Variants in NF1 observed in about 807,000 individuals in gnomAD.
The protein encoded by NF1 is neurofibromin.
Under a neutral mutation model 325.7 loss-of-function variants are expected in NF1, and 122 were observed. The observed-to-expected ratio is 0.37, with a 90% CI of 0.32 to 0.44. The LOEUF (loss-of-function observed/expected upper bound fraction) is 0.44, where lower values mean the gene tolerates loss of function less well. NF1 is among the 20% of genes least tolerant of loss of function. The pLI is 1.00. For synonymous variants in NF1, 1,091 were observed against 1,186.0 expected (o/e 0.92, Z 1.65); for missense variants, 2,140 against 3,415.4 (o/e 0.63, Z 9.31).
chr17:31,335,001 T>C lies in NF1; in HGVS notation c.5976T>C (p.Ile1992=), dbSNP rs766233634. The C allele has an allele frequency of 1.7e-5, 27 of 1,613,028 alleles. No individual in the cohort carries two copies. The highest frequency in any genetic ancestry group is 2.3e-5 in the Non-Finnish European group (27 of 1,179,910). Residue 1992 remains isoleucine, a synonymous_variant, in exon 40 of 58, where the codon ATT becomes ATC. Transcript: ENST00000358273. ...TINEKQMYPS[I]QAKIWGSLGQ... is the part of the protein sequence containing the mutation. ...ATGAAAAACAGATGTACCCATCTAT[T>C]CAAGCAAAAATATGGGGAAGCCTTG...
chr17:31,286,428 G>A (rs139101915), intron 36 of NF1, among the ~76,000 whole-genome samples: 2 of 152,194 alleles, frequency 1.3e-5, no homozygotes, highest in East Asian at 1.9e-4. Flanking sequence ...CTTTTACAAG[G>A]TGTCTCTAAG....
chr17:31,213,633 T>G (rs1436446810), intron 12 of NF1, among the ~76,000 whole-genome samples: 1 of 152,196 alleles, frequency 6.6e-6, no homozygotes, highest in Non-Finnish European at 1.5e-5. Flanking sequence ...TAATAATAGG[T>G]GATGTTAGCT....
chr17:31,178,202 G>T (rs751417318), intron 5 of NF1, among the ~76,000 whole-genome samples: 6 of 152,128 alleles, frequency 3.9e-5, no homozygotes, highest in Admixed American at 1.3e-4. Context: ...GAATAGAGTG[G>T]GGGCCAATAT....
At position 31,116,844 on chromosome 17, in the gene NF1, A is replaced by AT. The variant is rs1162893167; in HGVS notation, c.60+21489dup. ...CCCCATGCCCAGCTAATTTTTTTGT[A>AT]TTTTTTTTTTTTTTAGTAGAGACAG... On this transcript the variant is annotated intron_variant, in intron 1 of 57. Transcript: ENST00000358273. Among the ~76,000 whole-genome samples, 227 of 120,194 alleles carry AT rather than the reference A, an allele frequency of 1.9e-3. 1 individual carries two copies. Among genetic ancestry groups the AT allele is most frequent in the Middle Eastern group, 0.01 (2 of 198 alleles). The allele number at this position is 120,194 out of a possible 152,430, so 78.9% of individuals were successfully genotyped here.
intron 36 of NF1, among the ~76,000 whole-genome samples, chr17:31,310,352 C>G (rs1469515465): frequency 6.8e-6 from 1 of 147,304 alleles, no homozygotes; most frequent in Non-Finnish European, 1.5e-5. Flanking sequence ...AGTTAATAAA[C>G]AGGTGAAAAA....
At chr17:31,167,926 A>G (rs1446306852) in intron 4 of NF1, among the ~76,000 whole-genome samples, 1 of 152,178 alleles carries the variant, frequency 6.6e-6, no homozygotes, top group Non-Finnish European at 1.5e-5. Context: ...AAATAATTAC[A>G]TAAATACATG....
At chr17:31,231,586 C>T (rs1017830456) in intron 24 of NF1, among the ~76,000 whole-genome samples, 1 of 152,120 alleles carries the variant, frequency 6.6e-6, no homozygotes, top group Non-Finnish European at 1.5e-5. Flanking sequence ...TATACACATC[C>T]TCCCATATAT....
chr17:31,105,224 A>G (rs1912748254), intron 1 of NF1, among the ~76,000 whole-genome samples: 1 of 152,198 alleles, frequency 6.6e-6, no homozygotes, highest in Non-Finnish European at 1.5e-5. Flanking sequence ...GCCACTGACT[A>G]TATCATCAAA....
At chr17:31,360,372 A>T in intron 56 of NF1, 115 bp from the exon 57 acceptor site, 1 of 854,096 alleles carries the variant, frequency 1.2e-6, no homozygotes, top group Non-Finnish European at 1.9e-6. Flanking sequence ...AATGATAAGT[A>T]ATACAAAGGA....
At chr17:31,356,259 G>C in intron 51 of NF1, 1 of 520,090 alleles carries the variant, frequency 1.9e-6, no homozygotes, top group East Asian at 3.6e-5. Flanking sequence ...AACCTATCCT[G>C]AAACAGAAAG....
At chr17:31,340,008 C>G (rs1322330980) in intron 46 of NF1, among the ~76,000 whole-genome samples, 4 of 152,124 alleles carry the variant, frequency 2.6e-5, no homozygotes, top group African/African-American at 9.7e-5. Context: ...TAGACCTCAT[C>G]TCACATTCAG....
chr17:31,141,989 C>A (rs1207863721), intron 1 of NF1, among the ~76,000 whole-genome samples: 4 of 152,114 alleles, frequency 2.6e-5, no homozygotes, highest in African/African-American at 4.8e-5. Flanking sequence ...TTAATGTAAA[C>A]CCTACCCCCA....
chr17:31,124,976 TAAAAAA>T (rs565114032), intron 1 of NF1, among the ~76,000 whole-genome samples: 4 of 142,788 alleles, frequency 2.8e-5, no homozygotes, highest in African/African-American at 1.0e-4. Context: ...AGTTTATACT[TAAAAAA>T]AAAAAAACAT....
intron 36 of NF1, among the ~76,000 whole-genome samples, chr17:31,274,374 G>A (rs1268671498): frequency 6.6e-6 from 1 of 152,078 alleles, no homozygotes; most frequent in Non-Finnish European, 1.5e-5. Context: ...AAAAATTGCA[G>A]GACTGTGAAC....
chr17:31,295,617 G>A (rs773887766), intron 36 of NF1: 1 of 1,614,122 alleles, frequency 6.2e-7, no homozygotes, highest in South Asian at 1.1e-5. Context: ...ATCCACTTCA[G>A]TAAGTAAGTA....
At chr17:31,370,656 A>C (rs966310149) in intron 57 of NF1, among the ~76,000 whole-genome samples, 1 of 152,146 alleles carries the variant, frequency 6.6e-6, no homozygotes, top group East Asian at 1.9e-4. Context: ...CAGGAATAAC[A>C]CTGTGCCCAA....
Position 31,336,859 on chromosome 17 carries a change from A to T in NF1, c.6372A>T (p.Gly2124=), listed in dbSNP as rs2151555005. Residue 2124 remains glycine, a synonymous_variant, in exon 42 of 58, where the codon GGA becomes GGT. Transcript: ENST00000358273. The surrounding 1 kb of genome is among the most constrained non-coding windows in gnomAD (Gnocchi z 5.5). ...TCTCCCTTAGAGCTTCCACACATGG[A>T]CTGGTCATTAATATCATTCACTCTC... ...GPLSLRASTH[G]LVINIIHSLC... 1 of 1,613,620 alleles carries T rather than the reference A, an allele frequency of 6.2e-7. No homozygotes were observed. The highest frequency in any genetic ancestry group is 8.5e-7 in the Non-Finnish European group (1 of 1,180,004).
chr17:31,233,260 A>C, intron 27 of NF1, 47 bp downstream of exon 27: 1 of 1,451,276 alleles, frequency 6.9e-7, no homozygotes, highest in Non-Finnish European at 9.7e-7. Context: ...GGCACATAGC[A>C]AATCCTTCAG....
In NF1 at chr17:31,251,900, T is replaced by C. The variant is rs1439744912; in HGVS notation, c.4111-1038T>C. ...TCTAACTAACTTAAAGCCCAAGTTATGGGTTATGGTGTTGGATGTCCAGAA... is the reference window on the plus strand; with the variant it reads ...TCTAACTAACTTAAAGCCCAAGTTACGGGTTATGGTGTTGGATGTCCAGAA... On this transcript the variant is annotated intron_variant, in intron 30 of 57. Transcript: ENST00000358273. 1.8e-5 allele frequency: 4 copies of C among 217,078 alleles called. No homozygotes were observed. In the East Asian group the frequency reaches 2.7e-4, roughly 15 times the overall value. 13.4% of individuals were successfully genotyped at this position (217,078 alleles called of 1,614,324 possible). A position where few individuals can be genotyped will look rare whatever the true frequency, so the allele number is the denominator to read the frequency against.
Sources: allele counts gnomAD v4.1 joint callset (sites outside exome capture counted in the v4.1 genomes callset), GRCh38; gene constraint gnomAD v4.1.1; non-coding constraint Gnocchi (gnomAD v3.1); transcripts MANE v1.5; gene names NCBI Gene and HGNC (gene_info 2026-07-23, HGNC 2026-07-21).